Variants in ARMH3 observed in about 807,000 individuals in gnomAD.
The protein encoded by ARMH3 is armadillo like helical domain containing 3.
In ARMH3, 60 loss-of-function variants were observed where a neutral mutation model predicts 99.1. The ratio of observed to expected loss-of-function variants is 0.61; its 90% CI spans 0.49 to 0.75. The LOEUF (loss-of-function observed/expected upper bound fraction) is 0.75. Among genes scored for constraint, ARMH3 ranks in the 30% least tolerant of loss-of-function variants. The pLI is 0.00. For synonymous variants in ARMH3, 285 were observed against 292.8 expected (o/e 0.97, Z 0.27); for missense variants, 679 against 843.1 (o/e 0.81, Z 2.41).
At chr10:101,986,979 A>C (rs1846540325) in intron 19 of ARMH3, among the ~76,000 whole-genome samples, 1 of 152,194 alleles carries the variant, frequency 6.6e-6, no homozygotes, top group Admixed American at 6.5e-5. Context: ...GGCAAGATAA[A>C]AACTCTTTTG....
chr10:101,910,238 G>A (rs1179431579), intron 23 of ARMH3, among the ~76,000 whole-genome samples: 6 of 152,142 alleles, frequency 3.9e-5, no homozygotes, highest in South Asian at 2.1e-4. Context: ...CCTTCATCCC[G>A]GAGATTTACA....
chr10:101,993,370 C>G (rs969723531), intron 17 of ARMH3, among the ~76,000 whole-genome samples, 168 bp downstream of exon 17: 1 of 151,874 alleles, frequency 6.6e-6, no homozygotes, highest in Non-Finnish European at 1.5e-5. Flanking sequence ...CTCCATGACA[C>G]ACAAAAATCC....
intron 22 of ARMH3, among the ~76,000 whole-genome samples, chr10:101,952,280 T>C (rs957803309): frequency 4.6e-5 from 7 of 152,160 alleles, no homozygotes; most frequent in Admixed American, 1.3e-4. Context: ...GTGTGACATT[T>C]TTCTCTATAA....
intron 17 of ARMH3, among the ~76,000 whole-genome samples, chr10:101,992,394 A>G (rs111962570): frequency 2.3e-3 from 355 of 152,214 alleles, no homozygotes; most frequent in African/African-American, 8.1e-3. Context: ...GACGATAAAT[A>G]ATAATAATAA....
intron 24 of ARMH3, among the ~76,000 whole-genome samples, chr10:101,852,042 GA>G (rs11322369): frequency 1 from 151,993 of 152,330 alleles, 75,832 homozygotes; most frequent in Middle Eastern, 1. Flanking sequence ...CTCCAAGATG[GA>G]AATCAGCCCC....
At chr10:102,041,090 A>AATATATATATATATATATAATAT (rs2067405279) in intron 1 of ARMH3, among the ~76,000 whole-genome samples, 2 of 132,640 alleles carry the variant, frequency 1.5e-5, no homozygotes, top group African/African-American at 2.7e-5. Flanking sequence ...ATATATATAT[A>AATATATATATATATATATAATAT]ATATATATAT....
chr10:101,990,679 A>G (rs1846750338), intron 18 of ARMH3, 68 bp from the exon 19 acceptor site: 1 of 1,328,602 alleles, frequency 7.5e-7, no homozygotes, highest in African/African-American at 1.5e-5. Flanking sequence ...TGAGTTGGAA[A>G]AAAAGCTTCT....
Position 101,976,946 on chromosome 10 carries a change from C to T in ARMH3, c.1407-1646G>A, listed in dbSNP as rs993953298. ...GGGATTACAGGCACGAGCCACCATG[C>T]TCAGCCAGAAGTTCTGTTTCTTTTT... On this transcript the variant is annotated intron_variant, in intron 19 of 25. Transcript: ENST00000370033. Among the ~76,000 whole-genome samples, 3 of 152,168 alleles carry T rather than the reference C, an allele frequency of 2.0e-5. No individual in the cohort carries two copies. In the South Asian group the frequency reaches 6.2e-4, roughly 31 times the overall value.
chr10:101,902,241 T>G (rs1589991044), intron 23 of ARMH3, among the ~76,000 whole-genome samples: 1 of 152,182 alleles, frequency 6.6e-6, no homozygotes, highest in East Asian at 1.9e-4. Flanking sequence ...AAAGCTTTTA[T>G]TCAACAGAAA....
At chr10:102,040,263 T>C (rs1348725924) in intron 1 of ARMH3, 138 bp from the exon 2 acceptor site, 2 of 707,912 alleles carry the variant, frequency 2.8e-6, no homozygotes, top group African/African-American at 3.5e-5. Flanking sequence ...CTGTGGACTT[T>C]GGGTGGTAAC....
At chr10:101,921,641 T>C (rs890144911) in intron 23 of ARMH3, among the ~76,000 whole-genome samples, 1 of 152,160 alleles carries the variant, frequency 6.6e-6, no homozygotes, top group South Asian at 2.1e-4. Flanking sequence ...GATGGAATAC[T>C]ATTTGGCCAT....
chr10:102,016,027 C>G lies in ARMH3; in HGVS notation c.670-2003G>C, dbSNP rs199854434. On this transcript the variant is annotated intron_variant, in intron 8 of 25. Transcript: ENST00000370033. ...GCACACGCCTGTAGTCCCAGCTACT[C>G]GGAAGGATGAAGTGTGAGGATCACT... 2.0e-5 allele frequency among the ~76,000 whole-genome samples: 3 copies of G among 152,228 alleles called. No homozygotes were observed. In the East Asian group the frequency reaches 5.8e-4, roughly 29 times the overall value.
chr10:101,997,776 T>C lies in ARMH3; in HGVS notation c.1151-2421A>G, dbSNP rs571168902. Among the ~76,000 whole-genome samples the C allele has an allele frequency of 3.3e-5, 5 of 152,190 alleles. No individual in the cohort carries two copies. The South Asian group carries it at 1.0e-3, about 32-fold the overall frequency. On this transcript the variant is annotated intron_variant, in intron 15 of 25. Coordinates refer to ENST00000370033, the MANE Select transcript of ARMH3 (RefSeq NM_024541.3). ...TAGTTATTATAAACTTTATACCTTA[T>C]TATACATATCTATTAAAAGTATCTT...
chr10:102,010,505 CTA>C (rs1223458732), intron 11 of ARMH3, among the ~76,000 whole-genome samples: 1 of 152,166 alleles, frequency 6.6e-6, no homozygotes, highest in Admixed American at 6.5e-5. Flanking sequence ...CCAAAGCTGT[CTA>C]TATGAGATCC....
chr10:102,009,862 C>T, intron 12 of ARMH3, 115 bp downstream of exon 12: 3 of 1,090,372 alleles, frequency 2.8e-6, no homozygotes, highest in Non-Finnish European at 4.0e-6. Context: ...TGAAAATCAC[C>T]AAAAAAGTAT....
chr10:101,849,032 G>A (rs1245936667), intron 25 of ARMH3, among the ~76,000 whole-genome samples: 2 of 152,148 alleles, frequency 1.3e-5, no homozygotes, highest in Non-Finnish European at 2.9e-5. Flanking sequence ...CACCACAATT[G>A]GCATGGGGTA....
intron 23 of ARMH3, among the ~76,000 whole-genome samples, chr10:101,939,172 T>C (rs531740946): frequency 2.0e-5 from 3 of 152,322 alleles, no homozygotes; most frequent in African/African-American, 7.2e-5. Context: ...ATTTTTCAAT[T>C]GTTTATAAGA....
At chr10:101,887,630 A>C in intron 24 of ARMH3, among the ~76,000 whole-genome samples, 1 of 115,804 alleles carries the variant, frequency 8.6e-6, no homozygotes, top group Non-Finnish European at 1.6e-5. Flanking sequence ...AGACAGCTTC[A>C]CCATGTGGTA....
chr10:102,001,899 A>T, intron 15 of ARMH3, 72 bp downstream of exon 15: 2 of 1,329,966 alleles, frequency 1.5e-6, no homozygotes, highest in Non-Finnish European at 2.1e-6. Flanking sequence ...TCAAAATATT[A>T]ATGTTGCTCT....
Sources: allele counts gnomAD v4.1 joint callset (sites outside exome capture counted in the v4.1 genomes callset), GRCh38; gene constraint gnomAD v4.1.1; transcripts MANE v1.5; gene names NCBI Gene and HGNC (gene_info 2026-07-23, HGNC 2026-07-21).